Variants in SYNDIG1L observed in about 807,000 individuals in gnomAD.
SYNDIG1L encodes synapse differentiation-inducing gene protein 1-like.
A neutral mutation model predicts 20.1 loss-of-function variants in SYNDIG1L; 13 were observed. That is an observed-to-expected ratio of 0.65 (90% CI 0.42 to 1.03). SYNDIG1L has a LOEUF of 1.03. Among genes scored for constraint, SYNDIG1L ranks in the 50% least tolerant of loss-of-function variants. The pLI is 0.00. For missense variants in SYNDIG1L, 294 were observed against 305.1 expected (o/e 0.96, Z 0.27); for synonymous variants, 128 against 129.3 (o/e 0.99, Z 0.07).
chr14:74,447,669 C>G, the SYNDIG1L span, among the ~76,000 whole-genome samples: 1 of 151,148 alleles, frequency 6.6e-6, no homozygotes, highest in South Asian at 2.1e-4. Context: ...ATACTTTTTA[C>G]AACAATTGAT....
intron 1 of SYNDIG1L, among the ~76,000 whole-genome samples, chr14:74,412,888 G>A (rs774646921): frequency 6.6e-6 from 1 of 152,098 alleles, no homozygotes; most frequent in Non-Finnish European, 1.5e-5. Flanking sequence ...CTGCAGCCTC[G>A]AGTCAGGTGC....
At chr14:74,447,154 C>T in the SYNDIG1L span, among the ~76,000 whole-genome samples, 3 of 152,186 alleles carry the variant, frequency 2.0e-5, no homozygotes, top group Non-Finnish European at 4.4e-5. Flanking sequence ...CCAAAAACCT[C>T]TGTTACAACT....
At chr14:74,421,185 A>G (rs2086218662) in intron 1 of SYNDIG1L, among the ~76,000 whole-genome samples, 1 of 152,230 alleles carries the variant, frequency 6.6e-6, no homozygotes, top group Admixed American at 6.5e-5. Context: ...ACAGGCTGCT[A>G]TGAAAAAGGA....
chr14:74,445,390 T>C, the SYNDIG1L span, among the ~76,000 whole-genome samples: 1 of 152,148 alleles, frequency 6.6e-6, no homozygotes, highest in East Asian at 1.9e-4. Flanking sequence ...TTTATTCTAA[T>C]GTCTGCAAAA....
chr14:74,446,054 C>T, the SYNDIG1L span, among the ~76,000 whole-genome samples: 1 of 152,200 alleles, frequency 6.6e-6, no homozygotes, highest in Admixed American at 6.5e-5. Flanking sequence ...ACAAATCTTC[C>T]ATGGAAAACA....
chr14:74,454,594 T>G, the SYNDIG1L span, among the ~76,000 whole-genome samples: 2 of 152,094 alleles, frequency 1.3e-5, no homozygotes, highest in African/African-American at 4.8e-5. Context: ...GTAATTAACA[T>G]TTATTGTTCC....
At chr14:74,427,057 G>C (rs1225000481), upstream of SYNDIG1L, among the ~76,000 whole-genome samples, 1 of 151,122 alleles carries the variant, frequency 6.6e-6, no homozygotes, top group Non-Finnish European at 1.5e-5. Context: ...TCCGAATGCA[G>C]GCCTTTTGGC....
chr14:74,453,094 C>A, the SYNDIG1L span, among the ~76,000 whole-genome samples: 2 of 152,010 alleles, frequency 1.3e-5, no homozygotes, highest in African/African-American at 4.8e-5. Flanking sequence ...CACCTGTAAT[C>A]CCAGCCCTTT....
At chr14:74,433,514 G>T in the SYNDIG1L span, among the ~76,000 whole-genome samples, 4 of 152,024 alleles carry the variant, frequency 2.6e-5, no homozygotes, top group African/African-American at 9.7e-5. Flanking sequence ...CTCTCAAGTA[G>T]CTGAGATTAT....
chr14:74,420,538 G>A (rs1012213943), intron 1 of SYNDIG1L, among the ~76,000 whole-genome samples: 1 of 152,164 alleles, frequency 6.6e-6, no homozygotes, highest in Non-Finnish European at 1.5e-5. Flanking sequence ...GTGAGGAAGA[G>A]GAAGAGGAAG....
At chr14:74,433,862 A>G in the SYNDIG1L span, among the ~76,000 whole-genome samples, 1 of 152,188 alleles carries the variant, frequency 6.6e-6, no homozygotes, top group African/African-American at 2.4e-5. Context: ...TACCATACTA[A>G]CTATGTAAGC....
the SYNDIG1L span, among the ~76,000 whole-genome samples, chr14:74,460,960 G>A: frequency 6.7e-6 from 1 of 149,660 alleles, no homozygotes; most frequent in Non-Finnish European, 1.5e-5. Context: ...TCTTTTAATC[G>A]CTCTTATACG....
In SYNDIG1L at chr14:74,405,948, T is replaced by G. The variant is rs1232404296; in HGVS notation, c.*1587A>C. 2.3e-5 allele frequency: 9 copies of G among 398,606 alleles called. No individual in the cohort carries two copies. Among genetic ancestry groups the G allele is most frequent in the Middle Eastern group, 6.2e-4 (1 of 1,610 alleles). The allele number at this position is 398,606 out of a possible 1,614,324, so 24.7% of individuals were successfully genotyped here. On this transcript the variant is annotated 3_prime_UTR_variant, in exon 4 of 4. Transcript: ENST00000331628. ...GATAAATCAGTACAATAATGGGACC[T>G]TAAAACTGCTGTGATGCAGGAGTGG... is the stretch of plus-strand genomic sequence containing the variant.
intron 1 of SYNDIG1L, among the ~76,000 whole-genome samples, chr14:74,417,394 C>G (rs1828759385): frequency 6.6e-6 from 1 of 152,222 alleles, no homozygotes; most frequent in South Asian, 2.1e-4. Context: ...ATCATGAACA[C>G]TGTTAAAGAG....
chr14:74,469,844 C>A, the SYNDIG1L span, among the ~76,000 whole-genome samples: 1 of 152,182 alleles, frequency 6.6e-6, no homozygotes, highest in African/African-American at 2.4e-5. Context: ...CCTGGAATTT[C>A]TTTGCTTATT....
the SYNDIG1L span, among the ~76,000 whole-genome samples, chr14:74,463,565 AC>A: frequency 1.3e-5 from 2 of 152,148 alleles, no homozygotes; most frequent in Non-Finnish European, 2.9e-5. Flanking sequence ...GGTCTCGGAT[AC>A]CTCAGCTAAA....
the SYNDIG1L span, among the ~76,000 whole-genome samples, chr14:74,436,960 A>AT: frequency 6.7e-6 from 1 of 150,004 alleles, no homozygotes; most frequent in Non-Finnish European, 1.5e-5. Flanking sequence ...AATAGCTCGT[A>AT]TTTTCCCTCC....
At chr14:74,440,004 T>C in the SYNDIG1L span, among the ~76,000 whole-genome samples, 2 of 152,178 alleles carry the variant, frequency 1.3e-5, no homozygotes, top group Non-Finnish European at 2.9e-5. Flanking sequence ...ATGTATTGTA[T>C]ATCCTTCCAG....
chr14:74,425,200 A>G (rs2086255068), intron 1 of SYNDIG1L, among the ~76,000 whole-genome samples: 1 of 152,172 alleles, frequency 6.6e-6, no homozygotes, highest in East Asian at 1.9e-4. Context: ...AAGAGAGAGA[A>G]CTCCTAATGG....
Sources: allele counts gnomAD v4.1 joint callset (sites outside exome capture counted in the v4.1 genomes callset), GRCh38; gene constraint gnomAD v4.1.1; transcripts MANE v1.5; gene names NCBI Gene and HGNC (gene_info 2026-07-23, HGNC 2026-07-21).